The following MRPL35 variants were observed in gnomAD, a reference collection of about 807,000 sequenced individuals.
The protein encoded by MRPL35 is mitochondrial ribosomal protein L35, also known as large ribosomal subunit protein bL35m.
Under a neutral mutation model 21.6 loss-of-function variants are expected in MRPL35, and 18 were observed. The ratio of observed to expected loss-of-function variants is 0.83; its 90% CI spans 0.58 to 1.24. MRPL35 has a LOEUF of 1.24. Ranked by LOEUF, MRPL35 falls within the 50% of genes most tolerant of loss-of-function variation. MRPL35 has a pLI of 0.00. For synonymous variants in MRPL35, 87 were observed against 86.9 expected, an observed-to-expected ratio of 1.00 and a Z score of -0.01; for missense variants, 223 against 223.2, an observed-to-expected ratio of 1.00 and a Z score of 0.01.
intron 2 of MRPL35, among the ~76,000 whole-genome samples, chr2:86,206,847 C>T (rs897287069): frequency 2.0e-5 from 3 of 152,164 alleles, no homozygotes; most frequent in African/African-American, 2.4e-5. Context: ...CCCTGGGTGC[C>T]TAGCACTGTA....
chr2:86,199,978 T>C (rs1673655812), intron 1 of MRPL35, among the ~76,000 whole-genome samples: 1 of 152,198 alleles, frequency 6.6e-6, no homozygotes, highest in African/African-American at 2.4e-5. Flanking sequence ...GTAAAGCGTT[T>C]TGGGCAGTGC....
intron 1 of MRPL35, among the ~76,000 whole-genome samples, chr2:86,204,192 C>T (rs574222426): frequency 1.3e-5 from 2 of 152,110 alleles, no homozygotes; most frequent in African/African-American, 4.8e-5. Context: ...CCATGTTGGT[C>T]AGGCTGGTCT....
At chr2:86,208,146 C>T (rs180833830) in intron 3 of MRPL35, among the ~76,000 whole-genome samples, 1 of 152,254 alleles carries the variant, frequency 6.6e-6, no homozygotes, top group Non-Finnish European at 1.5e-5. Context: ...TTGGAACTCT[C>T]AGCTCATTTC....
Position 86,199,489 on chromosome 2 carries a change from A to C in MRPL35, c.-2A>C, listed in dbSNP as rs1200968514. ...AAGCGGCCGCCGTAGGCGAAGGTGA[A>C]GATGGCTGCCTCTGCCTTTGCTGGT... On this transcript the variant is annotated 5_prime_UTR_variant, in exon 1 of 4. Transcript: ENST00000337109. 5 of 1,614,184 alleles carry C rather than the reference A, an allele frequency of 3.1e-6. No homozygotes were observed. Among genetic ancestry groups the C allele is most frequent in the Non-Finnish European group, 4.2e-6 (5 of 1,180,044 alleles).
At chr2:86,202,816 G>A (rs938498654) in intron 1 of MRPL35, among the ~76,000 whole-genome samples, 5 of 151,538 alleles carry the variant, frequency 3.3e-5, no homozygotes, top group African/African-American at 9.7e-5. Context: ...CTCAGCCTCC[G>A]AGTAGCTGGG....
intron 1 of MRPL35, 62 bp downstream of exon 1, chr2:86,199,595 G>C: frequency 1.3e-6 from 2 of 1,597,822 alleles, no homozygotes; most frequent in South Asian, 2.2e-5. Flanking sequence ...GTGCGGGATG[G>C]AATGGGCGTT....
intron 1 of MRPL35, among the ~76,000 whole-genome samples, chr2:86,202,971 C>A (rs1465317956): frequency 1.3e-5 from 2 of 152,068 alleles, no homozygotes; most frequent in Non-Finnish European, 2.9e-5. Context: ...CAGGGGTGAG[C>A]TACCACACCT....
chr2:86,199,497 G>A lies in MRPL35; in HGVS notation c.7G>A (p.Ala3Thr), dbSNP rs777800614. 2.4e-5 allele frequency: 39 copies of A among 1,614,070 alleles called. 1 individual carries two copies. In the Middle Eastern group the frequency reaches 2.0e-3, roughly 82 times the overall value. The change falls in exon 1 of 4, where the codon GCC (alanine) becomes ACC (threonine). Residue 3 changes from alanine (A) to threonine (T), a missense_variant. By Grantham distance (58) the Ala-to-Thr change is moderately conservative (BLOSUM62 0). Coordinates refer to ENST00000337109, the MANE Select transcript of MRPL35 (RefSeq NM_016622.4). Reference protein sequence around the residue: MAASAFAGAVRAA... With the variant: MATSAFAGAVRAA... ...GCCGTAGGCGAAGGTGAAGATGGCT[G>A]CCTCTGCCTTTGCTGGTGCAGTGAG...
At chr2:86,205,665 G>C (rs1673774471) in intron 1 of MRPL35, among the ~76,000 whole-genome samples, 1 of 152,168 alleles carries the variant, frequency 6.6e-6, no homozygotes, top group Non-Finnish European at 1.5e-5. Context: ...GAACTCAAGT[G>C]CCTCTTCTCT....
At chr2:86,200,810 G>A (rs1164179939) in intron 1 of MRPL35, among the ~76,000 whole-genome samples, 1 of 152,020 alleles carries the variant, frequency 6.6e-6, no homozygotes, top group Non-Finnish European at 1.5e-5. Flanking sequence ...GGGATTACAG[G>A]CATGCGCCAC....
At position 86,211,660 on chromosome 2, in the gene MRPL35, GA is replaced by G. The variant is rs1673904458; in HGVS notation, c.*995del. ...GACAAGGGCTTTTTATGCAAGTTTTGAAAGATAGGTATTTATTTTTTCTAGA... is the reference window on the plus strand; with the variant it reads ...GACAAGGGCTTTTTATGCAAGTTTTGAAGATAGGTATTTATTTTTTCTAGA... On this transcript the variant is annotated 3_prime_UTR_variant, in exon 4 of 4. Coordinates refer to ENST00000337109, the MANE Select transcript of MRPL35 (RefSeq NM_016622.4). 1 of 985,240 alleles carries G rather than the reference GA, an allele frequency of 1.0e-6. No individual in the cohort carries two copies. Among genetic ancestry groups the G allele is most frequent in the Admixed American group, 6.2e-5 (1 of 16,260 alleles). The allele number at this position is 985,240 out of a possible 1,614,324, so 61.0% of individuals were successfully genotyped here.
intron 1 of MRPL35, among the ~76,000 whole-genome samples, chr2:86,205,325 G>T (rs1337977681): frequency 6.6e-6 from 1 of 152,116 alleles, no homozygotes; most frequent in East Asian, 1.9e-4. Flanking sequence ...CATAAGAAAA[G>T]AAATAGGTTA....
chr2:86,210,099 G>C (rs1479128156), intron 3 of MRPL35, among the ~76,000 whole-genome samples: 1 of 152,090 alleles, frequency 6.6e-6, no homozygotes, highest in East Asian at 1.9e-4. Context: ...ATGTAAAATA[G>C]AATAATAGTA....
rs1395471159 is a variant in MRPL35, at chr2:86,212,432, A to G, written c.*1764A>G. On this transcript the variant is annotated 3_prime_UTR_variant, in exon 4 of 4. Coordinates refer to ENST00000337109, the MANE Select transcript of MRPL35 (RefSeq NM_016622.4). ...ATTTCTTCGCACTTCTGAGACGGCA[A>G]AGCCAACCACTTAGAAGCCTTCCAC... 2.5e-6 allele frequency: 4 copies of G among 1,613,830 alleles called. No individual in the cohort carries two copies. The highest frequency in any genetic ancestry group is 2.2e-5 in the South Asian group (2 of 91,044).
intron 1 of MRPL35, among the ~76,000 whole-genome samples, chr2:86,201,455 G>C (rs1673683682): frequency 6.6e-6 from 1 of 151,942 alleles, no homozygotes; most frequent in African/African-American, 2.4e-5. Flanking sequence ...GTGTCCTTTA[G>C]CTTCTCCCAC....
In MRPL35 at chr2:86,210,514, C is replaced by A. The variant is rs1041612188; in HGVS notation, c.413C>A (p.Pro138His). The A allele has an allele frequency of 1.9e-6, 3 of 1,610,826 alleles. No individual in the cohort carries two copies. The highest frequency in any genetic ancestry group is 2.5e-6 in the Non-Finnish European group (3 of 1,178,884). ...GYKKKLWKKT[P>H]ARKKRLREFV... is the part of the protein sequence containing the mutation. ...AAGAAAAAATTATGGAAAAAGACAC[C>A]TGCAAGGAAGAAGCGATTGAGGGAA... The change falls in exon 4 of 4, where the codon CCT (proline) becomes CAT (histidine). Residue 138 changes from proline (P) to histidine (H), a missense_variant. Transcript: ENST00000337109.
intron 3 of MRPL35, 36 bp downstream of exon 3, chr2:86,207,363 ATG>A (rs1320668190): frequency 6.3e-7 from 1 of 1,593,022 alleles, no homozygotes; most frequent in Non-Finnish European, 8.6e-7. Flanking sequence ...TGAAAAAGGA[ATG>A]TGAGGCCGGG....
chr2:86,203,311 T>C (rs1213687741), intron 1 of MRPL35, among the ~76,000 whole-genome samples: 1 of 152,008 alleles, frequency 6.6e-6, no homozygotes, highest in Non-Finnish European at 1.5e-5. Context: ...CTTGACCTCC[T>C]GATCTCCTCG....
intron 1 of MRPL35, among the ~76,000 whole-genome samples, chr2:86,201,149 ATTGCCAAAC>A (rs1388178993): frequency 1.3e-5 from 2 of 152,178 alleles, no homozygotes; most frequent in African/African-American, 4.8e-5. Flanking sequence ...ATTGCCTGAT[ATTGCCAAAC>A]TGTTGAGGCC....
Sources: gnomAD v4.1 joint callset for allele counts (sites outside exome capture counted in the v4.1 genomes callset) on GRCh38, gnomAD v4.1.1 for gene constraint, MANE v1.5 for transcripts, NCBI Gene and HGNC (gene_info 2026-07-23, HGNC 2026-07-21) for gene names.